The following TMED3 variants were observed in gnomAD, a reference collection of about 807,000 sequenced individuals.
TMED3 encodes transmembrane emp24 domain-containing protein 3.
A neutral mutation model predicts 15.0 loss-of-function variants in TMED3; 9 were observed. The ratio of observed to expected loss-of-function variants is 0.60; its 90% CI spans 0.36 to 1.04. The LOEUF (loss-of-function observed/expected upper bound fraction) is 1.04. TMED3 is among the 50% of genes least tolerant of loss of function. TMED3 has a pLI of 0.01. For missense variants in TMED3, 267 were observed against 278.9 expected (o/e 0.96, Z 0.30); for synonymous variants, 117 against 121.4 (o/e 0.96, Z 0.24).
At chr15:79,349,370 T>C (rs1231587687) in intron 2 of TMED3, among the ~76,000 whole-genome samples, 1 of 152,172 alleles carries the variant, frequency 6.6e-6, no homozygotes, top group East Asian at 1.9e-4. Context: ...TAAGATACTT[T>C]TTTATCATCT....
At chr15:79,368,278 T>C (rs1045798314) in intron 2 of TMED3, among the ~76,000 whole-genome samples, 1 of 152,236 alleles carries the variant, frequency 6.6e-6, no homozygotes, top group Non-Finnish European at 1.5e-5. Context: ...AGAGCTTATT[T>C]TCAAGCTTTC....
rs374337632 is a variant in TMED3 at position 79,311,393 on chromosome 15, C to G, written c.144C>G (p.Gly48=). 1.3e-5 allele frequency: 21 copies of G among 1,611,292 alleles called. No homozygotes were observed. The highest frequency in any genetic ancestry group is 1.8e-5 in the Non-Finnish European group (21 of 1,179,184). Residue 48 remains glycine, a synonymous_variant, in exon 1 of 3, where the codon GGC becomes GGG. Transcript: ENST00000299705. ...GCTTCCACGAGGAGGTGGAGCAGGG[C>G]GTGAAGTTCTCCCTGGATTACCAGG... ...KQCFHEEVEQ[G]VKFSLDYQVI...
At chr15:79,353,149 TA>T (rs1356616722) in intron 2 of TMED3, among the ~76,000 whole-genome samples, 15,301 of 62,110 alleles carry the variant, frequency 0.25, 2,390 homozygotes, top group African/African-American at 0.3. Flanking sequence ...AAAAAATATA[TA>T]AAATATATAT....
Position 79,322,126 on chromosome 15 carries a change from C to G in TMED3, c.566C>G (p.Ala189Gly). 1.9e-6 allele frequency: 3 copies of G among 1,614,220 alleles called. No homozygotes were observed. In the South Asian group the frequency reaches 3.3e-5, roughly 18 times the overall value. ...VSYWSVGETI[A>G]LFVVSFSQVL... ...TACTGGTCTGTTGGCGAGACGATTG[C>G]CCTGTTCGTGGTCAGCTTCAGTCAG... The change falls in exon 3 of 3, where the codon GCC (alanine) becomes GGC (glycine). Residue 189 changes from alanine to glycine, a missense_variant. This residue lies in a region of TMED3 where 139 missense variants were observed against 125.0 expected (regional missense o/e 1.11). Transcript: ENST00000299705.
At chr15:79,353,290 T>TATATATTATATATA (rs1567030576) in intron 2 of TMED3, among the ~76,000 whole-genome samples, 6 of 32,750 alleles carry the variant, frequency 1.8e-4, no homozygotes, top group Non-Finnish European at 2.7e-4. Context: ...ATATATATTA[T>TATATATTATATATA]ATGTATATTA....
At chr15:79,366,486 T>G (rs1595901779) in intron 2 of TMED3, among the ~76,000 whole-genome samples, 1 of 152,236 alleles carries the variant, frequency 6.6e-6, no homozygotes, top group Non-Finnish European at 1.5e-5. Context: ...ATGATTAACT[T>G]CCATGGCTGT....
At chr15:79,390,613 G>C (rs1437141223) in intron 2 of TMED3, among the ~76,000 whole-genome samples, 1 of 152,114 alleles carries the variant, frequency 6.6e-6, no homozygotes. Context: ...GAATGAATTA[G>C]GGAGGGTTCC....
At chr15:79,355,656 G>T (rs2058916056) in intron 2 of TMED3, among the ~76,000 whole-genome samples, 1 of 152,096 alleles carries the variant, frequency 6.6e-6, no homozygotes, top group Non-Finnish European at 1.5e-5. Context: ...CAGATTTGAG[G>T]GTGGGAAAAG....
At chr15:79,329,823 G>C (rs2058801440) in intron 2 of TMED3, among the ~76,000 whole-genome samples, 1 of 152,086 alleles carries the variant, frequency 6.6e-6, no homozygotes, top group Admixed American at 6.5e-5. Context: ...CCTGACACTT[G>C]GTGTGACACA....
At chr15:79,391,757 G>T (rs1008067159) in intron 2 of TMED3, among the ~76,000 whole-genome samples, 14 of 152,048 alleles carry the variant, frequency 9.2e-5, no homozygotes, top group Admixed American at 7.9e-4. Flanking sequence ...ATAAATTTCG[G>T]AGCGCCAGTG....
intron 2 of TMED3, among the ~76,000 whole-genome samples, chr15:79,373,075 T>C (rs1282365902): frequency 6.6e-6 from 1 of 152,244 alleles, no homozygotes; most frequent in African/African-American, 2.4e-5. Context: ...GGAGCCCTTG[T>C]GTTTCTGGTT....
chr15:79,339,797 T>G (rs1035634995), intron 2 of TMED3, among the ~76,000 whole-genome samples: 84 of 150,340 alleles, frequency 5.6e-4, no homozygotes, highest in African/African-American at 2.0e-3. Context: ...GCAGTGGTGG[T>G]GGTGATGGTG....
intron 2 of TMED3, among the ~76,000 whole-genome samples, chr15:79,407,156 G>A (rs74531354): frequency 7.9e-4 from 121 of 152,296 alleles, no homozygotes; most frequent in African/African-American, 2.6e-3. Context: ...TGCCAAGGCA[G>A]ACCCAGTGTC....
rs1404273958 is a variant in TMED3 at position 79,352,854 on chromosome 15, CATATAAAATATACAT to C, written c.417+38868_417+38882del. 2.6e-3 allele frequency among the ~76,000 whole-genome samples: 277 copies of C among 104,702 alleles called. 1 individual carries two copies. Among genetic ancestry groups the C allele is most frequent in the Non-Finnish European group, 4.7e-3 (249 of 52,692 alleles). 68.7% of individuals were successfully genotyped at this position (104,702 alleles called of 152,430 possible). A position where few individuals can be genotyped will look rare whatever the true frequency, so the allele number is the denominator to read the frequency against. On this transcript the variant is annotated intron_variant, in intron 2 of 2. Coordinates refer to the TMED3 transcript ENST00000424155. ...TTTATATATATATATATAAAATATA[CATATAAAATATACAT>C]ATATAAAATATACATATAATATATA...
At chr15:79,397,317 G>A (rs1227591124) in intron 2 of TMED3, among the ~76,000 whole-genome samples, 4 of 152,222 alleles carry the variant, frequency 2.6e-5, no homozygotes, top group African/African-American at 9.7e-5. Flanking sequence ...ATGCCTTTCA[G>A]AAAGTATTGT....
chr15:79,328,057 A>G (rs1158659871), intron 2 of TMED3, among the ~76,000 whole-genome samples: 3 of 152,234 alleles, frequency 2.0e-5, no homozygotes, highest in African/African-American at 7.2e-5. Flanking sequence ...TTCATAGAAA[A>G]TGAAGCTGCT....
chr15:79,394,427 C>T (rs1893737670), intron 2 of TMED3, among the ~76,000 whole-genome samples: 2 of 152,238 alleles, frequency 1.3e-5, no homozygotes, highest in South Asian at 4.2e-4. Flanking sequence ...CTGTTGGCAA[C>T]CCAAGGTTTC....
chr15:79,378,045 C>T lies in TMED3; in HGVS notation c.418-33355C>T, dbSNP rs1893461575. On this transcript the variant is annotated intron_variant, in intron 2 of 2. Coordinates refer to the TMED3 transcript ENST00000424155. ...TTCCAATACATAATTTTAGCTTATG[C>T]TATAATACATTTTAATATTTATTGG... Among the ~76,000 whole-genome samples, 10 of 152,272 alleles carry T rather than the reference C, an allele frequency of 6.6e-5. No homozygotes were observed. In the South Asian group the frequency reaches 2.1e-3, roughly 32 times the overall value.
Position 79,395,123 on chromosome 15 carries a change from G to A in TMED3, c.418-16277G>A, listed in dbSNP as rs79517615. Among the ~76,000 whole-genome samples the A allele has an allele frequency of 5.7e-3, 871 of 151,508 alleles. 5 individuals carry two copies. The highest frequency in any genetic ancestry group is 0.019 in the African/African-American group (791 of 41,274). On this transcript the variant is annotated intron_variant, in intron 2 of 2. Coordinates refer to the TMED3 transcript ENST00000424155. Reference sequence around the variant, plus strand: ...TGGCCTGATAATATTTCCTGTTTTCGTTTTTTTACTCAACTCTCCTGATTT... The same window carrying A: ...TGGCCTGATAATATTTCCTGTTTTCATTTTTTTACTCAACTCTCCTGATTT...
Sources: gnomAD v4.1 joint callset for allele counts (sites outside exome capture counted in the v4.1 genomes callset) on GRCh38, gnomAD v4.1.1 for gene constraint, gnomAD v4.1.1 regional missense constraint, MANE v1.5 for transcripts, NCBI Gene and HGNC (gene_info 2026-07-23, HGNC 2026-07-21) for gene names.